Variants in EPHA5 observed in about 807,000 individuals in gnomAD.
The protein encoded by EPHA5 is ephrin type-A receptor 5.
Under a neutral mutation model 105.0 loss-of-function variants are expected in EPHA5, and 60 were observed. The observed-to-expected ratio is 0.57, with a 90% CI of 0.46 to 0.71. The LOEUF is 0.71. EPHA5 is among the 30% of genes least tolerant of loss of function. The pLI is 0.00. For synonymous variants in EPHA5, 513 were observed against 449.1 expected, an observed-to-expected ratio of 1.14 and a Z score of -1.80; for missense variants, 1,218 against 1,274.7, an observed-to-expected ratio of 0.96 and a Z score of 0.68.
At chr4:65,338,310 G>T (rs979667051) in intron 14 of EPHA5, among the ~76,000 whole-genome samples, 2 of 151,976 alleles carry the variant, frequency 1.3e-5, no homozygotes, top group African/African-American at 2.4e-5. Flanking sequence ...CAGCATATAG[G>T]TATCAAAATA....
At position 65,335,992 on chromosome 4, in the gene EPHA5, A is replaced by C; in HGVS notation, c.2729T>G (p.Met910Arg). The C allele has an allele frequency of 6.2e-7, 1 of 1,613,268 alleles. No homozygotes were observed. Among genetic ancestry groups the C allele is most frequent in the Non-Finnish European group, 8.5e-7 (1 of 1,179,558 alleles). The stretch of plus-strand genomic sequence containing the variant: ...TGGGTTACGTATCAGCTTGTCCAAC[A>C]TGTTGACTATTTCATCAAACTTGGG... ...SRPKFDEIVN[M>R]LDKLIRNPSS... Residue 910 changes from methionine to arginine, a missense_variant, in exon 15 of 17, where the codon ATG (methionine) becomes AGG (arginine). By Grantham distance (91) the Met-to-Arg change is moderately conservative (BLOSUM62 -1). Transcript: ENST00000613740.
chr4:65,522,133 A>C (rs1734791844), intron 3 of EPHA5, among the ~76,000 whole-genome samples: 1 of 151,886 alleles, frequency 6.6e-6, no homozygotes. Context: ...GGAAAGTCTA[A>C]GGTCTGTCCT....
chr4:65,396,550 G>A (rs1462277316), intron 8 of EPHA5, among the ~76,000 whole-genome samples: 1 of 152,136 alleles, frequency 6.6e-6, no homozygotes, highest in African/African-American at 2.4e-5. Context: ...TACCACTGGA[G>A]GACCCTAAAT....
intron 4 of EPHA5, among the ~76,000 whole-genome samples, chr4:65,495,061 C>G (rs1560605808): frequency 1.3e-5 from 2 of 151,978 alleles, no homozygotes; most frequent in Non-Finnish European, 2.9e-5. Context: ...TTAATGTAAA[C>G]TGGGAAGTAG....
chr4:65,658,630 C>A (rs1749274930), intron 1 of EPHA5, among the ~76,000 whole-genome samples: 2 of 152,030 alleles, frequency 1.3e-5, no homozygotes, highest in Admixed American at 1.3e-4. Context: ...ATAATTCAAT[C>A]TTTTCAATTC....
chr4:65,383,966 A>G (rs932313337), intron 8 of EPHA5, among the ~76,000 whole-genome samples: 6 of 151,956 alleles, frequency 3.9e-5, no homozygotes, highest in African/African-American at 1.4e-4. Flanking sequence ...ATTTTTTTAA[A>G]AAGAAAATCT....
chr4:65,623,659 A>G (rs1179278183), intron 2 of EPHA5, among the ~76,000 whole-genome samples: 1 of 152,150 alleles, frequency 6.6e-6, no homozygotes, highest in African/African-American at 2.4e-5. Flanking sequence ...CCACTGCACA[A>G]AGACTGAGTC....
intron 3 of EPHA5, among the ~76,000 whole-genome samples, chr4:65,571,591 T>C (rs1740187264): frequency 6.6e-6 from 1 of 152,134 alleles, no homozygotes; most frequent in Non-Finnish European, 1.5e-5. Context: ...AGTATTATCA[T>C]TTCTACTCAG....
chr4:65,413,959 C>T (rs1043777450), intron 7 of EPHA5, among the ~76,000 whole-genome samples: 1 of 152,020 alleles, frequency 6.6e-6, no homozygotes, highest in African/African-American at 2.4e-5. Flanking sequence ...TTCAATAAAA[C>T]GACTAAAAAA....
Position 65,487,320 on chromosome 4 carries a change from A to G in EPHA5, c.1402+3057T>C, listed in dbSNP as rs371514446. ...ATAGACTGAACTAACTTTGGGGGGA[A>G]TTTAGTTTATGGTTTAGCTTTCCAA... is the stretch of plus-strand genomic sequence containing the variant. On this transcript the variant is annotated intron_variant, in intron 5 of 16. Coordinates refer to ENST00000613740, the MANE Select transcript of EPHA5 (RefSeq NM_001281766.3). 1.4e-4 allele frequency among the ~76,000 whole-genome samples: 21 copies of G among 152,304 alleles called. No individual in the cohort carries two copies. In the East Asian group the frequency reaches 3.5e-3, roughly 25 times the overall value.
At chr4:65,587,176 G>A (rs1326979402) in intron 3 of EPHA5, among the ~76,000 whole-genome samples, 1 of 152,004 alleles carries the variant, frequency 6.6e-6, no homozygotes, top group Non-Finnish European at 1.5e-5. Flanking sequence ...GAATTGGTGG[G>A]GAGATGAAGA....
At chr4:65,451,713 C>A (rs2149108315) in intron 5 of EPHA5, among the ~76,000 whole-genome samples, 1 of 152,012 alleles carries the variant, frequency 6.6e-6, no homozygotes, top group African/African-American at 2.4e-5. Flanking sequence ...GGCAAGATTC[C>A]TAGAATAACC....
chr4:65,356,024 G>T (rs1027080192), intron 11 of EPHA5, among the ~76,000 whole-genome samples: 15 of 151,536 alleles, frequency 9.9e-5, no homozygotes, highest in African/African-American at 3.4e-4. Context: ...TAAATTGAAA[G>T]AACTGAATTC....
chr4:65,378,557 G>T (rs1450403523), intron 8 of EPHA5, among the ~76,000 whole-genome samples: 2 of 151,952 alleles, frequency 1.3e-5, no homozygotes, highest in African/African-American at 4.8e-5. Flanking sequence ...GCCAAATCCA[G>T]TTCACTACTT....
intron 3 of EPHA5, among the ~76,000 whole-genome samples, chr4:65,572,470 A>T (rs1402984335): frequency 1.3e-5 from 2 of 152,198 alleles, no homozygotes; most frequent in Non-Finnish European, 2.9e-5. Context: ...GCTTACAAGC[A>T]TAAATCATCC....
chr4:65,365,649 CTATATATATATATATATATATA>C (rs57048004), intron 10 of EPHA5, among the ~76,000 whole-genome samples: 74 of 64,866 alleles, frequency 1.1e-3, no homozygotes, highest in African/African-American at 2.3e-3. Flanking sequence ...TACAAATTCA[CTATATATATATATATATATATA>C]TATATATATA....
chr4:65,566,611 A>G (rs1009584954), intron 3 of EPHA5, among the ~76,000 whole-genome samples: 1 of 151,596 alleles, frequency 6.6e-6, no homozygotes, highest in African/African-American at 2.4e-5. Context: ...TGCTACTCCA[A>G]TTTAATTCAC....
rs1234880834 is a variant in EPHA5, at chr4:65,458,076, A to C, written c.1402+32301T>G. ...GTGACAGAGCGACACTCCATCCCAA[A>C]AAAAAAAAAAAAAAAAAAAAAAGAG... On this transcript the variant is annotated intron_variant, in intron 5 of 16. Transcript: ENST00000613740. Among the ~76,000 whole-genome samples, 5 of 37,644 alleles carry C rather than the reference A, an allele frequency of 1.3e-4. 1 individual carries two copies. The highest frequency in any genetic ancestry group is 2.7e-4 in the African/African-American group (4 of 15,004). 24.7% of individuals were successfully genotyped at this position (37,644 alleles called of 152,430 possible). A position where few individuals can be genotyped will look rare whatever the true frequency, so the allele number is the denominator to read the frequency against.
At chr4:65,543,340 A>G (rs550198443) in intron 3 of EPHA5, among the ~76,000 whole-genome samples, 2 of 152,172 alleles carry the variant, frequency 1.3e-5, no homozygotes, top group East Asian at 1.9e-4. Flanking sequence ...CTCAGCCCCA[A>G]AACTCCTTAC....
Sources: gnomAD v4.1 joint callset for allele counts (sites outside exome capture counted in the v4.1 genomes callset) on GRCh38, gnomAD v4.1.1 for gene constraint, MANE v1.5 for transcripts, NCBI Gene and HGNC (gene_info 2026-07-23, HGNC 2026-07-21) for gene names.